NAMPT: variants seen among roughly 807,000 people sequenced by gnomAD.
The protein encoded by NAMPT is nicotinamide phosphoribosyltransferase.
In NAMPT, 7 loss-of-function variants were observed where a neutral mutation model predicts 58.7. The ratio of observed to expected loss-of-function variants is 0.12; its 90% CI spans 0.07 to 0.22. The LOEUF is 0.22. Ranked by LOEUF, NAMPT falls within the 10% of genes least tolerant of loss-of-function variation. The probability of loss-of-function intolerance (pLI) is 1.00; values close to 1 mark genes in which losing one functional copy is unlikely to be tolerated. For missense variants in NAMPT, 271 were observed against 567.9 expected (o/e 0.48, Z 5.31); for synonymous variants, 145 against 198.1 (o/e 0.73, Z 2.25).
intron 6 of NAMPT, among the ~76,000 whole-genome samples, chr7:106,266,701 C>T (rs767832517): frequency 7.2e-5 from 11 of 152,192 alleles, no homozygotes; most frequent in Non-Finnish European, 1.0e-4. Flanking sequence ...CTTAAGACTG[C>T]TGGAATAGCT....
intron 4 of NAMPT, among the ~76,000 whole-genome samples, chr7:106,271,462 C>T (rs1262332204): frequency 6.6e-6 from 1 of 152,192 alleles, no homozygotes; most frequent in Non-Finnish European, 1.5e-5. Context: ...AGTAAAACAT[C>T]TTACTCTAAC....
At chr7:106,262,826 T>C (rs1289804655) in intron 7 of NAMPT, among the ~76,000 whole-genome samples, 1 of 152,100 alleles carries the variant, frequency 6.6e-6, no homozygotes, top group Non-Finnish European at 1.5e-5. Context: ...GTAAATCACC[T>C]AAAATATTTT....
intron 1 of NAMPT, among the ~76,000 whole-genome samples, 183 bp from the exon 2 acceptor site, chr7:106,277,362 T>C (rs1050921264): frequency 2.0e-5 from 3 of 152,226 alleles, no homozygotes; most frequent in African/African-American, 7.2e-5. Context: ...GAGTTCAGTA[T>C]CTTAAAACCA....
intron 10 of NAMPT, 80 bp downstream of exon 10, chr7:106,252,937 A>G (rs1368980517): frequency 6.7e-7 from 1 of 1,490,912 alleles, no homozygotes; most frequent in East Asian, 2.3e-5. Flanking sequence ...CAAAAACAAT[A>G]ACATAAAAAC....
chr7:106,277,850 A>T (rs758635298), intron 1 of NAMPT, among the ~76,000 whole-genome samples: 1 of 152,370 alleles, frequency 6.6e-6, no homozygotes, highest in Non-Finnish European at 1.5e-5. Context: ...TTTTCCATGA[A>T]CTTGGGTAAG....
chr7:106,255,711 G>A (rs1253726712), intron 8 of NAMPT, among the ~76,000 whole-genome samples: 2 of 152,166 alleles, frequency 1.3e-5, no homozygotes, highest in Non-Finnish European at 2.9e-5. Flanking sequence ...CGCAAATCCA[G>A]TCTCATGTCT....
intron 4 of NAMPT, 65 bp from the exon 5 acceptor site, chr7:106,269,377 C>G (rs1461313150): frequency 6.9e-7 from 1 of 1,446,132 alleles, no homozygotes; most frequent in African/African-American, 1.4e-5. Context: ...TGAGGAAAAT[C>G]CTAGCTTTTT....
At chr7:106,276,097 T>A (rs1792632902) in intron 2 of NAMPT, 2 of 152,232 alleles carry the variant, frequency 1.3e-5, no homozygotes, top group African/African-American at 2.4e-5. Flanking sequence ...TTACTTCTGA[T>A]ATCTAGCTAG....
At chr7:106,264,021 G>A (rs1792363249) in intron 6 of NAMPT, among the ~76,000 whole-genome samples, 1 of 152,170 alleles carries the variant, frequency 6.6e-6, no homozygotes, top group South Asian at 2.1e-4. Flanking sequence ...GTTAGGCAAT[G>A]AGAGCACCTG....
rs1792180427 is a variant in NAMPT at position 106,255,260 on chromosome 7, GTTTA to G, written c.1090-760_1090-757del. ...TTTGTATTTCTTTCACCAAAGTCAA[GTTTA>G]TTTACCTAGCATCTGCCTTAATATA... On this transcript the variant is annotated intron_variant, in intron 8 of 10. Transcript: ENST00000222553. Among the ~76,000 whole-genome samples the G allele has an allele frequency of 2.6e-5, 4 of 152,318 alleles. No homozygotes were observed. The South Asian group carries it at 6.2e-4, about 24-fold the overall frequency.
At position 106,272,629 on chromosome 7, in the gene NAMPT, T is replaced by C; in HGVS notation, c.348A>G (p.Ile116Met). ...EKYDGHLPIE[I>M]KAVPEGFVIP... Reference sequence around the variant, plus strand: ...TGACAAAGCCCTCAGGAACAGCTTTTATTTCTATTGGAAGATGCCCATCAT... The same window carrying C: ...TGACAAAGCCCTCAGGAACAGCTTTCATTTCTATTGGAAGATGCCCATCAT... The change falls in exon 4 of 11, where the codon ATA (isoleucine) becomes ATG (methionine). Residue 116 changes from isoleucine to methionine, a missense_variant. Around this residue, in one of 4 missense-constraint regions of NAMPT, gnomAD observed 103 missense variants for 194.2 expected, o/e 0.53. Transcript: ENST00000222553. 1 of 1,613,446 alleles carries C rather than the reference T, an allele frequency of 6.2e-7. No homozygotes were observed. Among genetic ancestry groups the C allele is most frequent in the Non-Finnish European group, 8.5e-7 (1 of 1,179,538 alleles).
rs1273251253 is a variant in NAMPT, at chr7:106,249,125, T to C, written c.*1958A>G. 4.6e-5 allele frequency: 7 copies of C among 152,534 alleles called. No individual in the cohort carries two copies. The highest frequency in any genetic ancestry group is 9.6e-5 in the African/African-American group (4 of 41,546). The allele number at this position is 152,534 out of a possible 1,614,324, so 9.4% of individuals were successfully genotyped here. A position where few individuals can be genotyped will look rare whatever the true frequency, so the allele number is the denominator to read the frequency against. On this transcript the variant is annotated 3_prime_UTR_variant, in exon 11 of 11. Coordinates refer to ENST00000222553, the MANE Select transcript of NAMPT (RefSeq NM_005746.3). Reference sequence around the variant, plus strand: ...TCTTTACACGCCCCTTAGCACATTTTGTGAAGAAATGTGTGTTTTTCTTAA... The same window carrying C: ...TCTTTACACGCCCCTTAGCACATTTCGTGAAGAAATGTGTGTTTTTCTTAA...
At chr7:106,264,582 G>T (rs1792374300) in intron 6 of NAMPT, among the ~76,000 whole-genome samples, 1 of 152,012 alleles carries the variant, frequency 6.6e-6, no homozygotes, top group African/African-American at 2.4e-5. Context: ...AAAAGTTTCA[G>T]ATTTTGGAGC....
At chr7:106,271,439 CA>C (rs753960435) in intron 4 of NAMPT, among the ~76,000 whole-genome samples, 11 of 152,204 alleles carry the variant, frequency 7.2e-5, no homozygotes, top group Non-Finnish European at 1.6e-4. Flanking sequence ...AACTCTCACT[CA>C]AAGGCCCTTT....
At chr7:106,259,398 G>GT (rs1247775371) in intron 8 of NAMPT, among the ~76,000 whole-genome samples, 1 of 152,134 alleles carries the variant, frequency 6.6e-6, no homozygotes, top group Non-Finnish European at 1.5e-5. Context: ...ATCTAGAATG[G>GT]TGAACCCTTT....
At position 106,284,872 on chromosome 7, in the gene NAMPT, C is replaced by T. The variant is rs1792840331; in HGVS notation, c.13G>A (p.Ala5Thr). 1.3e-6 allele frequency: 2 copies of T among 1,583,732 alleles called. No individual in the cohort carries two copies. Among genetic ancestry groups the T allele is most frequent in the African/African-American group, 1.3e-5 (1 of 74,408 alleles). ...AGGAGGATGTTGAACTCGGCTTCTG[C>T]CGCAGGATTCATCTCGGGCCGGAGG... MNPA[A>T]EAEFNILLAT... The change falls in exon 1 of 11, where the codon GCA (alanine) becomes ACA (threonine). Residue 5 changes from alanine to threonine, a missense_variant. This residue lies in a region of NAMPT where 23 missense variants were observed against 16.4 expected (regional missense o/e 1.40). Transcript: ENST00000222553.
At chr7:106,268,310 G>C in intron 6 of NAMPT, 154 bp downstream of exon 6, 4 of 678,786 alleles carry the variant, frequency 5.9e-6, no homozygotes, top group Non-Finnish European at 9.8e-6. Context: ...TAAGACTAAT[G>C]TTTATACTTT....
intron 2 of NAMPT, chr7:106,275,314 T>C (rs1383709201): frequency 4.4e-6 from 1 of 226,468 alleles, no homozygotes; most frequent in African/African-American, 2.3e-5. Context: ...AAAAATGATA[T>C]TAACTTAATT....
upstream of NAMPT, chr7:106,285,206 C>CT (rs1179915135): frequency 9.9e-7 from 1 of 1,013,450 alleles, no homozygotes; most frequent in Non-Finnish European, 1.1e-6. Context: ...CTGCGCAGTG[C>CT]GCGGAGGCGG....
Sources: allele counts gnomAD v4.1 joint callset (sites outside exome capture counted in the v4.1 genomes callset), GRCh38; gene constraint gnomAD v4.1.1; regional missense constraint gnomAD v4.1.1; transcripts MANE v1.5; gene names NCBI Gene and HGNC (gene_info 2026-07-23, HGNC 2026-07-21).